SMYD3: variants seen among roughly 807,000 people sequenced by gnomAD.
SMYD3 encodes SET and MYND domain containing 3.
SMYD3 carries 36 observed loss-of-function variants against 57.7 expected under a neutral mutation model. The ratio of observed to expected loss-of-function variants is 0.62; its 90% confidence interval spans 0.48 to 0.82. SMYD3 has a LOEUF of 0.82. Among genes scored for constraint, SMYD3 ranks in the 40% least tolerant of loss-of-function variants. The probability of loss-of-function intolerance (pLI) is 0.00; values close to 1 mark genes in which losing one functional copy is unlikely to be tolerated. For synonymous variants in SMYD3, 211 were observed against 195.0 expected, an observed-to-expected ratio of 1.08 and a Z score of -0.68; for missense variants, 515 against 538.8, an observed-to-expected ratio of 0.96 and a Z score of 0.44.
At chr1:246,270,147 A>G (rs2064194140) in intron 5 of SMYD3, among the ~76,000 whole-genome samples, 1 of 152,180 alleles carries the variant, frequency 6.6e-6, no homozygotes, top group African/African-American at 2.4e-5. Context: ...TACCCATAGG[A>G]AGACAGTGAT....
At position 245,948,638 on chromosome 1, in the gene SMYD3, C is replaced by T. The variant is rs544238148; in HGVS notation, c.532-18701G>A. Among the ~76,000 whole-genome samples the T allele has an allele frequency of 2.7e-3, 4 of 1,462 alleles. No homozygotes were observed. The South Asian group carries it at 0.4, about 146-fold the overall frequency. The allele number at this position is 1,462 out of a possible 152,430, so 1.0% of individuals were successfully genotyped here. On this transcript the variant is annotated intron_variant, in intron 5 of 11. Transcript: ENST00000490107. Reference sequence around the variant, plus strand: ...CAGCTTCCACCAGGCAGCATCCTGCCCTGGGCCCCAAATAGCCCTTGAATG... The same window carrying T: ...CAGCTTCCACCAGGCAGCATCCTGCTCTGGGCCCCAAATAGCCCTTGAATG...
intron 1 of SMYD3, among the ~76,000 whole-genome samples, chr1:246,362,973 T>A (rs914119940): frequency 6.8e-6 from 1 of 147,454 alleles, no homozygotes; most frequent in Non-Finnish European, 1.5e-5. Context: ...GTCTGGAAAG[T>A]GAGGAGCGTC....
At chr1:246,236,363 G>A (rs2063512319) in intron 5 of SMYD3, among the ~76,000 whole-genome samples, 1 of 151,806 alleles carries the variant, frequency 6.6e-6, no homozygotes, top group Non-Finnish European at 1.5e-5. Context: ...CCCAGTAGCT[G>A]GGATTATAGA....
At chr1:246,287,308 T>A (rs985060268) in intron 5 of SMYD3, among the ~76,000 whole-genome samples, 2 of 152,230 alleles carry the variant, frequency 1.3e-5, no homozygotes, top group African/African-American at 4.8e-5. Flanking sequence ...GGAATAATAA[T>A]TAGGTCAATG....
At chr1:246,116,346 C>T (rs748977981) in intron 5 of SMYD3, among the ~76,000 whole-genome samples, 12 of 152,230 alleles carry the variant, frequency 7.9e-5, no homozygotes, top group Non-Finnish European at 1.3e-4. Flanking sequence ...AGGTTTCTTT[C>T]ACAGCTTATC....
At chr1:245,812,337 T>A (rs2048519913) in intron 10 of SMYD3, among the ~76,000 whole-genome samples, 1 of 152,222 alleles carries the variant, frequency 6.6e-6, no homozygotes, top group African/African-American at 2.4e-5. Flanking sequence ...GTTCCCTGAA[T>A]GTGCTGGCCC....
intron 1 of SMYD3, among the ~76,000 whole-genome samples, chr1:246,360,129 T>C (rs897765912): frequency 5.3e-5 from 8 of 152,142 alleles, no homozygotes; most frequent in African/African-American, 9.7e-5. Flanking sequence ...GGATACAAAA[T>C]TGATGTACAC....
chr1:246,228,205 A>G (rs1325239911), intron 5 of SMYD3, among the ~76,000 whole-genome samples: 1 of 152,082 alleles, frequency 6.6e-6, no homozygotes, highest in African/African-American at 2.4e-5. Flanking sequence ...CCTGACCTTG[A>G]GTGATCCACC....
At chr1:246,499,401 T>TAC (rs74163453) in intron 1 of SMYD3, among the ~76,000 whole-genome samples, 4,407 of 145,834 alleles carry the variant, frequency 0.03, 205 homozygotes, top group African/African-American at 0.1. Flanking sequence ...CCATCAAATA[T>TAC]ACACACACAC....
intron 5 of SMYD3, among the ~76,000 whole-genome samples, chr1:246,295,756 C>T (rs2064781697): frequency 6.6e-6 from 1 of 152,110 alleles, no homozygotes; most frequent in Non-Finnish European, 1.5e-5. Flanking sequence ...AGATTTTGAC[C>T]TTGACACCAG....
In SMYD3 at chr1:245,786,409, G is replaced by T. The variant is rs149143312; in HGVS notation, c.1077-22260C>A. ...CTGTACAGTTTATCATGTTGCTAAC[G>T]CAATGTAGAACCCAAAGTTCCAAGA... On this transcript the variant is annotated intron_variant, in intron 10 of 11. Coordinates refer to ENST00000490107, the MANE Select transcript of SMYD3 (RefSeq NM_001167740.2). 4.7e-3 allele frequency among the ~76,000 whole-genome samples: 714 copies of T among 152,100 alleles called. 3 individuals carry two copies. The highest frequency in any genetic ancestry group is 0.015 in the African/African-American group (630 of 41,488).
At chr1:246,406,814 C>T (rs116540869) in intron 1 of SMYD3, among the ~76,000 whole-genome samples, 4,423 of 152,284 alleles carry the variant, frequency 0.029, 234 homozygotes, top group African/African-American at 0.1. Context: ...TCACAGCCAT[C>T]GTGCAAAATT....
At chr1:246,083,117 TGAG>T (rs1472536091) in intron 5 of SMYD3, among the ~76,000 whole-genome samples, 46 of 151,966 alleles carry the variant, frequency 3.0e-4, no homozygotes, top group African/African-American at 1.0e-3. Flanking sequence ...GGGTCTGTGC[TGAG>T]GAGGATTAGT....
chr1:245,915,314 C>A (rs1420186343), intron 8 of SMYD3, among the ~76,000 whole-genome samples: 1 of 152,146 alleles, frequency 6.6e-6, no homozygotes, highest in East Asian at 1.9e-4. Context: ...CTCCACAGAT[C>A]CTTACCTTTG....
chr1:246,275,601 T>C (rs1383582099), intron 5 of SMYD3, among the ~76,000 whole-genome samples: 1 of 124,580 alleles, frequency 8.0e-6, no homozygotes, highest in Non-Finnish European at 1.7e-5. Context: ...CATGTTTGAA[T>C]ACTAACTGTT....
chr1:245,873,521 G>A (rs1173170618), intron 8 of SMYD3, among the ~76,000 whole-genome samples: 1 of 152,192 alleles, frequency 6.6e-6, no homozygotes, highest in Admixed American at 6.5e-5. Context: ...CACCTCCAAA[G>A]TTCAGGGTGA....
chr1:246,489,331 G>A lies in SMYD3; in HGVS notation c.164+17723C>T, dbSNP rs527756362. Among the ~76,000 whole-genome samples, 11 of 152,160 alleles carry A rather than the reference G, an allele frequency of 7.2e-5. No homozygotes were observed. In the South Asian group the frequency reaches 1.9e-3, roughly 26 times the overall value. On this transcript the variant is annotated intron_variant, in intron 1 of 11. Coordinates refer to ENST00000490107, the MANE Select transcript of SMYD3 (RefSeq NM_001167740.2). Reference sequence around the variant, plus strand: ...CATGCCACTGCACTCCAGCCTGGGCGACAGAGCGAGACTCCATCTCAAAAA... The same window carrying A: ...CATGCCACTGCACTCCAGCCTGGGCAACAGAGCGAGACTCCATCTCAAAAA...
At position 246,095,175 on chromosome 1, in the gene SMYD3, C is replaced by T. The variant is rs147075119; in HGVS notation, c.532-165238G>A. 5.3e-5 allele frequency among the ~76,000 whole-genome samples: 8 copies of T among 152,272 alleles called. No individual in the cohort carries two copies. The South Asian group carries it at 8.3e-4, about 16-fold the overall frequency. ...TGTCTCTCCCCACACCATGGGCTTGCGGGTGGCTAGCACAAATACAACTTC... is the reference window on the plus strand; with the variant it reads ...TGTCTCTCCCCACACCATGGGCTTGTGGGTGGCTAGCACAAATACAACTTC... On this transcript the variant is annotated intron_variant, in intron 5 of 11. Coordinates refer to ENST00000490107, the MANE Select transcript of SMYD3 (RefSeq NM_001167740.2).
intron 10 of SMYD3, among the ~76,000 whole-genome samples, chr1:245,803,413 G>A (rs565890174): frequency 6.9e-6 from 1 of 145,282 alleles, no homozygotes; most frequent in African/African-American, 2.9e-5. Context: ...ATATGAACTG[G>A]CCAATTTCAC....
Sources: allele counts gnomAD v4.1 joint callset (sites outside exome capture counted in the v4.1 genomes callset), GRCh38; gene constraint gnomAD v4.1.1; transcripts MANE v1.5; gene names NCBI Gene and HGNC (gene_info 2026-07-23, HGNC 2026-07-21).